GFPT1: variants seen among roughly 807,000 people sequenced by gnomAD.
The protein encoded by GFPT1 is glutamine--fructose-6-phosphate transaminase 1.
Under a neutral mutation model 92.0 loss-of-function variants are expected in GFPT1, and 40 were observed. That is an observed-to-expected ratio of 0.43 (90% CI 0.34 to 0.57). The LOEUF (loss-of-function observed/expected upper bound fraction) is 0.57, where lower values mean the gene tolerates loss of function less well. Ranked by LOEUF, GFPT1 falls within the 20% of genes least tolerant of loss-of-function variation. GFPT1 has a pLI of 0.02. For synonymous variants in GFPT1, 269 were observed against 280.6 expected (o/e 0.96, Z 0.41); for missense variants, 448 against 869.1 (o/e 0.52, Z 6.09).
intron 7 of GFPT1, among the ~76,000 whole-genome samples, chr2:69,356,025 T>A (rs1671329339): frequency 7.3e-6 from 1 of 136,402 alleles, no homozygotes; most frequent in Non-Finnish European, 1.5e-5. Flanking sequence ...AGAGTCTCGC[T>A]CTGTAGGCCA....
intron 2 of GFPT1, among the ~76,000 whole-genome samples, chr2:69,370,729 T>C (rs1671726449): frequency 6.6e-6 from 1 of 152,014 alleles, no homozygotes; most frequent in African/African-American, 2.4e-5. Flanking sequence ...CAGACAGAAA[T>C]AAATGATATT....
chr2:69,383,205 A>C (rs1672050299), intron 1 of GFPT1, among the ~76,000 whole-genome samples: 1 of 152,240 alleles, frequency 6.6e-6, no homozygotes, highest in African/African-American at 2.4e-5. Context: ...ACCTGGTTAA[A>C]GTTAGGTATA....
chr2:69,356,743 T>A lies in GFPT1; in HGVS notation c.544-186A>T, dbSNP rs1439696820. Among the ~76,000 whole-genome samples the A allele has an allele frequency of 1.7e-3, 35 of 20,702 alleles. No homozygotes were observed. The African/African-American group carries it at 0.025, about 14-fold the overall frequency. 13.6% of individuals were successfully genotyped at this position (20,702 alleles called of 152,430 possible). A position where few individuals can be genotyped will look rare whatever the true frequency, so the allele number is the denominator to read the frequency against. ...GCTTTGGTGTATCCAAGACCCACATTTTTTTTTTTTTTTGAGATGGAGTCT... is the reference window on the plus strand; with the variant it reads ...GCTTTGGTGTATCCAAGACCCACATATTTTTTTTTTTTTGAGATGGAGTCT... On this transcript the variant is annotated intron_variant, in intron 6 of 19. Transcript: ENST00000357308.
chr2:69,366,590 T>C (rs756471128), intron 3 of GFPT1, among the ~76,000 whole-genome samples: 6 of 152,234 alleles, frequency 3.9e-5, no homozygotes, highest in Non-Finnish European at 8.8e-5. Flanking sequence ...ATTAAACTGA[T>C]AGCTCAATCC....
chr2:69,327,735 T>C (rs1217060593), intron 18 of GFPT1, among the ~76,000 whole-genome samples: 1 of 152,172 alleles, frequency 6.6e-6, no homozygotes, highest in Non-Finnish European at 1.5e-5. Context: ...GAAGACAGGA[T>C]GTGGAGACCA....
chr2:69,341,893 C>G (rs1670962156), intron 13 of GFPT1, among the ~76,000 whole-genome samples: 1 of 152,144 alleles, frequency 6.6e-6, no homozygotes, highest in Admixed American at 6.5e-5. Flanking sequence ...AGTACACAAA[C>G]TCTCCCCCTC....
chr2:69,332,869 A>C (rs1670698345), intron 15 of GFPT1, among the ~76,000 whole-genome samples: 1 of 4,166 alleles, frequency 2.4e-4, no homozygotes, highest in Non-Finnish European at 3.3e-4. Flanking sequence ...ATTTCCTGGC[A>C]TGATGTGGAT....
At chr2:69,327,368 A>G (rs1670556287) in intron 18 of GFPT1, among the ~76,000 whole-genome samples, 1 of 152,230 alleles carries the variant, frequency 6.6e-6, no homozygotes, top group African/African-American at 2.4e-5. Context: ...CATTGTGCTT[A>G]GGGAATAATA....
intron 15 of GFPT1, among the ~76,000 whole-genome samples, chr2:69,336,054 G>A (rs1401357611): frequency 1.3e-5 from 2 of 150,556 alleles, no homozygotes; most frequent in Non-Finnish European, 3.0e-5. Context: ...AAAAGGTGGG[G>A]GGCCAGGTAC....
At chr2:69,384,077 T>C (rs1410427379) in intron 1 of GFPT1, among the ~76,000 whole-genome samples, 1 of 152,140 alleles carries the variant, frequency 6.6e-6, no homozygotes, top group Non-Finnish European at 1.5e-5. Context: ...AAGGACAAAG[T>C]ATATTCCAAA....
At position 69,320,834 on chromosome 2, in the gene GFPT1, G is replaced by A. The variant is rs766839214; in HGVS notation, c.*5355C>T. 3 of 152,246 alleles carry A rather than the reference G, an allele frequency of 2.0e-5. No individual in the cohort carries two copies. Among genetic ancestry groups the A allele is most frequent in the Non-Finnish European group, 2.9e-5 (2 of 68,156 alleles). 9.4% of individuals were successfully genotyped at this position (152,246 alleles called of 1,614,324 possible). On this transcript the variant is annotated 3_prime_UTR_variant, in exon 20 of 20. Coordinates refer to ENST00000357308, the MANE Select transcript of GFPT1 (RefSeq NM_001244710.2). ...CTGGAAAAAATGACGCATCTTGGTG[G>A]CGCAGCCTTAGGCTCTGGTGCAGAA...
chr2:69,350,965 T>C (rs1472245137), intron 9 of GFPT1, among the ~76,000 whole-genome samples: 1 of 151,016 alleles, frequency 6.6e-6, no homozygotes, highest in Non-Finnish European at 1.5e-5. Flanking sequence ...TTTTATTGTA[T>C]CATAACAAAA....
At chr2:69,329,161 TAAAC>T (rs1206700932) in intron 17 of GFPT1, 132 bp downstream of exon 17, 1 of 858,312 alleles carries the variant, frequency 1.2e-6, no homozygotes, top group Non-Finnish European at 1.9e-6. Context: ...TTTCTCAAAG[TAAAC>T]AAACCACAAT....
At chr2:69,363,460 A>C (rs1373117804) in intron 4 of GFPT1, 85 bp downstream of exon 4, 2 of 1,363,274 alleles carry the variant, frequency 1.5e-6, no homozygotes. Context: ...AAAATTATTA[A>C]AATAATGAAA....
At chr2:69,368,888 G>A (rs897373929) in intron 3 of GFPT1, among the ~76,000 whole-genome samples, 2 of 151,906 alleles carry the variant, frequency 1.3e-5, no homozygotes, top group South Asian at 2.1e-4. Context: ...CCATCAACAC[G>A]CCTGCCATTA....
At chr2:69,337,869 A>C in intron 15 of GFPT1, 29 bp downstream of exon 15, 1 of 1,588,562 alleles carries the variant, frequency 6.3e-7, no homozygotes, top group East Asian at 2.2e-5. Flanking sequence ...TGATTAAATA[A>C]TCATCAGAGA....
intron 9 of GFPT1, among the ~76,000 whole-genome samples, chr2:69,353,859 T>A (rs1671270679): frequency 6.6e-6 from 1 of 152,084 alleles, no homozygotes; most frequent in South Asian, 2.1e-4. Context: ...GTATAAAAAA[T>A]AAAGACCACT....
Position 69,325,844 on chromosome 2 carries a change from T to C in GFPT1, c.*345A>G, listed in dbSNP as rs1380848947. On this transcript the variant is annotated 3_prime_UTR_variant, in exon 20 of 20. Coordinates refer to ENST00000357308, the MANE Select transcript of GFPT1 (RefSeq NM_001244710.2). The stretch of plus-strand genomic sequence containing the variant: ...TTTCACTGGTCTGAATGAAGTATGG[T>C]GAAACAAGTACCAATTTTTAGAAAC... 4.3e-6 allele frequency: 1 copy of C among 232,184 alleles called. No homozygotes were observed. The highest frequency in any genetic ancestry group is 8.4e-6 in the Non-Finnish European group (1 of 118,596). The allele number at this position is 232,184 out of a possible 1,614,324, so 14.4% of individuals were successfully genotyped here. A position where few individuals can be genotyped will look rare whatever the true frequency, so the allele number is the denominator to read the frequency against.
At chr2:69,348,100 T>C in intron 11 of GFPT1, 71 bp downstream of exon 11, 1 of 1,174,090 alleles carries the variant, frequency 8.5e-7, no homozygotes, top group Non-Finnish European at 1.3e-6. Flanking sequence ...AGATTTAATA[T>C]GCTAGGAAAG....
Sources: gnomAD v4.1 joint callset for allele counts (sites outside exome capture counted in the v4.1 genomes callset) on GRCh38, gnomAD v4.1.1 for gene constraint, MANE v1.5 for transcripts, NCBI Gene and HGNC (gene_info 2026-07-23, HGNC 2026-07-21) for gene names.